BCAS3: variants seen among roughly 807,000 people sequenced by gnomAD.
BCAS3 encodes the protein BCAS3 microtubule associated cell migration factor.
Under a neutral mutation model 116.1 loss-of-function variants are expected in BCAS3, and 53 were observed. The ratio of observed to expected loss-of-function variants is 0.46; its 90% CI spans 0.37 to 0.57. The LOEUF is 0.57. BCAS3 is among the 20% of genes least tolerant of loss of function. The pLI is 0.00. For synonymous variants in BCAS3, 391 were observed against 408.2 expected (o/e 0.96, Z 0.51); for missense variants, 917 against 1,165.4 (o/e 0.79, Z 3.10).
At chr17:60,785,952 A>G (rs1347551417) in intron 6 of BCAS3, among the ~76,000 whole-genome samples, 1 of 152,188 alleles carries the variant, frequency 6.6e-6, no homozygotes, top group Non-Finnish European at 1.5e-5. Flanking sequence ...CTTGTATTAG[A>G]TATTATAAAT....
At chr17:60,965,713 A>T (rs2061626207) in intron 14 of BCAS3, among the ~76,000 whole-genome samples, 1 of 152,172 alleles carries the variant, frequency 6.6e-6, no homozygotes, top group Non-Finnish European at 1.5e-5. Context: ...AAGATATTTG[A>T]TATGATTTTT....
chr17:61,166,420 C>CA (rs2078507379), intron 22 of BCAS3, among the ~76,000 whole-genome samples: 1 of 96,568 alleles, frequency 1.0e-5, no homozygotes, highest in Admixed American at 1.6e-4. Context: ...TTTTTTGAGA[C>CA]AGAGTCTTGC....
At chr17:60,998,340 T>G (rs1277392373) in intron 15 of BCAS3, among the ~76,000 whole-genome samples, 1 of 152,228 alleles carries the variant, frequency 6.6e-6, no homozygotes, top group Non-Finnish European at 1.5e-5. Context: ...TAAGAATGAT[T>G]TATTTTCTTT....
chr17:60,993,394 G>A lies in BCAS3; in HGVS notation c.1486+3159G>A, dbSNP rs147617425. 6.6e-6 allele frequency among the ~76,000 whole-genome samples: 1 copy of A among 152,212 alleles called. No individual in the cohort carries two copies. The highest frequency in any genetic ancestry group is 2.4e-5 in the African/African-American group (1 of 41,536). Reference sequence around the variant, plus strand: ...TTTTTTTCAGAAATCTCAAAGAGGAGAATCCACACTGTTCGACTATGCTGC... The same window carrying A: ...TTTTTTTCAGAAATCTCAAAGAGGAAAATCCACACTGTTCGACTATGCTGC... On this transcript the variant is annotated intron_variant, in intron 15 of 23. Coordinates refer to ENST00000407086, the MANE Select transcript of BCAS3 (RefSeq NM_017679.5). The surrounding 1 kb of genome is among the most constrained non-coding windows in gnomAD (Gnocchi z 4.2).
chr17:60,713,989 A>G (rs1034831503), intron 5 of BCAS3, among the ~76,000 whole-genome samples: 16 of 152,076 alleles, frequency 1.1e-4, no homozygotes, highest in Admixed American at 2.0e-4. Flanking sequence ...GTGAGCCACC[A>G]TGCCAGGCTA....
intron 14 of BCAS3, among the ~76,000 whole-genome samples, chr17:60,976,676 C>T (rs990878995): frequency 6.6e-6 from 1 of 152,118 alleles, no homozygotes; most frequent in African/African-American, 2.4e-5. Context: ...ATCTGTTTAA[C>T]AGAGCACATC....
intron 22 of BCAS3, among the ~76,000 whole-genome samples, chr17:61,149,297 T>C (rs897909390): frequency 1.3e-5 from 2 of 152,140 alleles, no homozygotes; most frequent in Non-Finnish European, 2.9e-5. Context: ...TATGTACAGC[T>C]GTAAAAAGCT....
chr17:61,202,100 G>T, intron 22 of BCAS3, among the ~76,000 whole-genome samples: 1 of 113,032 alleles, frequency 8.8e-6, no homozygotes. Flanking sequence ...TTATGTGCCA[G>T]ACACTATTCC....
chr17:61,372,621 C>T (rs1233801806), intron 23 of BCAS3, among the ~76,000 whole-genome samples: 3 of 152,144 alleles, frequency 2.0e-5, no homozygotes, highest in Non-Finnish European at 1.5e-5. Context: ...TCGCTCCAGA[C>T]TCATCTCTTG....
chr17:61,038,477 T>A (rs1243111749), intron 18 of BCAS3, among the ~76,000 whole-genome samples: 2 of 151,568 alleles, frequency 1.3e-5, no homozygotes, highest in Non-Finnish European at 1.5e-5. Flanking sequence ...ATGGTCTCGA[T>A]CTCCTGACCT....
At chr17:60,793,568 C>A (rs952988551) in intron 6 of BCAS3, among the ~76,000 whole-genome samples, 1 of 152,076 alleles carries the variant, frequency 6.6e-6, no homozygotes, top group Admixed American at 6.5e-5. Flanking sequence ...CACTTTCCCC[C>A]CAAGTCCCCA....
chr17:61,270,500 CT>C (rs1467692733), intron 22 of BCAS3, among the ~76,000 whole-genome samples: 1 of 152,018 alleles, frequency 6.6e-6, no homozygotes, highest in Admixed American at 6.6e-5. Context: ...GATGCTGCCC[CT>C]CATCAGATAC....
rs1415898032 is a variant in BCAS3 at position 61,046,662 on chromosome 17, T to C, written c.2029+5770T>C. On this transcript the variant is annotated intron_variant, in intron 19 of 23. Coordinates refer to ENST00000407086, the MANE Select transcript of BCAS3 (RefSeq NM_017679.5). The stretch of plus-strand genomic sequence containing the variant: ...AGAGACGCAACCATCCTTTTTTTTT[T>C]CACAGAATATTTTCAGCCTGTGGTT... Among the ~76,000 whole-genome samples the C allele has an allele frequency of 3.9e-5, 6 of 152,086 alleles. No individual in the cohort carries two copies. In the East Asian group the frequency reaches 9.6e-4, roughly 24 times the overall value.
intron 4 of BCAS3, among the ~76,000 whole-genome samples, chr17:60,691,627 G>A (rs1403859860): frequency 6.6e-6 from 1 of 150,994 alleles, no homozygotes; most frequent in East Asian, 1.9e-4. Context: ...TAAATATCCT[G>A]GGTATTAATT....
At chr17:60,710,837 T>G (rs1236406901) in intron 5 of BCAS3, among the ~76,000 whole-genome samples, 1 of 151,130 alleles carries the variant, frequency 6.6e-6, no homozygotes, top group African/African-American at 2.4e-5. Context: ...GGGTCTCACT[T>G]TGTCACCCAG....
At chr17:60,908,448 AGC>A (rs1198551711) in intron 11 of BCAS3, among the ~76,000 whole-genome samples, 100 of 152,346 alleles carry the variant, frequency 6.6e-4, no homozygotes, top group Non-Finnish European at 4.7e-4. Context: ...ATAAAGGGAT[AGC>A]TGTGTTTAAG....
At position 61,097,301 on chromosome 17, in the gene BCAS3, C is replaced by G. The variant is rs1430046898; in HGVS notation, c.2425+12737C>G. Among the ~76,000 whole-genome samples the G allele has an allele frequency of 6.6e-6, 1 of 152,162 alleles. No homozygotes were observed. Among genetic ancestry groups the G allele is most frequent in the Admixed American group, 6.5e-5 (1 of 15,284 alleles). ...TCATGCCATTCTCTTGCCTCAGCCT[C>G]CCGAGTAGCTGGGACTACAGGCGCC... is the stretch of plus-strand genomic sequence containing the variant. On this transcript the variant is annotated intron_variant, in intron 22 of 23. Coordinates refer to ENST00000407086, the MANE Select transcript of BCAS3 (RefSeq NM_017679.5). This position sits in a 1 kb window ranked among gnomAD's most constrained non-coding sequence, Gnocchi z 4.0.
At chr17:60,992,658 G>A (rs755889877) in intron 15 of BCAS3, among the ~76,000 whole-genome samples, 1 of 152,014 alleles carries the variant, frequency 6.6e-6, no homozygotes. Context: ...ACTTGCACAT[G>A]TGCCCCCGAA....
At chr17:60,768,606 A>T (rs753861720) in intron 6 of BCAS3, among the ~76,000 whole-genome samples, 1 of 152,034 alleles carries the variant, frequency 6.6e-6, no homozygotes, top group Admixed American at 6.5e-5. Flanking sequence ...CCTTTTTTAT[A>T]TATCTATCTA....
Sources: allele counts gnomAD v4.1 joint callset (sites outside exome capture counted in the v4.1 genomes callset), GRCh38; gene constraint gnomAD v4.1.1; non-coding constraint Gnocchi (gnomAD v3.1); transcripts MANE v1.5; gene names NCBI Gene and HGNC (gene_info 2026-07-23, HGNC 2026-07-21).